Variants in ARGLU1 observed in about 807,000 individuals in gnomAD.
The protein encoded by ARGLU1 is arginine and glutamate rich 1, also known as arginine and glutamate-rich protein 1.
Under a neutral mutation model 37.6 loss-of-function variants are expected in ARGLU1, and 9 were observed. The ratio of observed to expected loss-of-function variants is 0.24; its 90% CI spans 0.14 to 0.42. The LOEUF is 0.42. Ranked by LOEUF, ARGLU1 falls within the 10% of genes least tolerant of loss-of-function variation. The pLI is 1.00. For missense variants in ARGLU1, 211 were observed against 359.2 expected, an observed-to-expected ratio of 0.59 and a Z score of 3.34; for synonymous variants, 166 against 138.5, an observed-to-expected ratio of 1.20 and a Z score of -1.39.
rs1292874602 is a variant in ARGLU1 at position 106,544,039 on chromosome 13, T to C, written c.779A>G (p.Lys260Arg). Residue 260 changes from lysine (K) to arginine (R), a missense_variant, in exon 4 of 4, where the codon AAG becomes AGG. By Grantham distance (26) the Lys-to-Arg change is conservative. Coordinates refer to ENST00000400198, the MANE Select transcript of ARGLU1 (RefSeq NM_018011.4). ...TGAGAAGGACAGTTTTGGCCTGGAC[T>C]TCCCCTTGCCCAGGATAATTTTTTG... Reference protein sequence around the residue: ...EEQKIILGKGKSRPKLSFSLK... With the variant: ...EEQKIILGKGRSRPKLSFSLK... 4 of 1,602,638 alleles carry C rather than the reference T, an allele frequency of 2.5e-6. No individual in the cohort carries two copies. Among genetic ancestry groups the C allele is most frequent in the Non-Finnish European group, 3.4e-6 (4 of 1,175,984 alleles).
Position 106,557,361 on chromosome 13 carries a change from T to G in ARGLU1, c.574-230A>C. The G allele has an allele frequency of 1.7e-6, 1 of 603,324 alleles. No homozygotes were observed. Among genetic ancestry groups the G allele is most frequent in the Non-Finnish European group, 2.6e-6 (1 of 381,438 alleles). The allele number at this position is 603,324 out of a possible 1,614,324, so 37.4% of individuals were successfully genotyped here. On this transcript the variant is annotated intron_variant, in intron 2 of 3. Coordinates refer to ENST00000400198, the MANE Select transcript of ARGLU1 (RefSeq NM_018011.4). The surrounding 1 kb of genome is among the most constrained non-coding windows in gnomAD (Gnocchi z 5.0). ...CAACCAACTAAACCCTCCCTAATGA[T>G]AGTTTCCTGGCAATTATTACTAATA... is the stretch of plus-strand genomic sequence containing the variant.
At chr13:106,547,173 G>C (rs1331599089) in intron 3 of ARGLU1, among the ~76,000 whole-genome samples, 1 of 152,124 alleles carries the variant, frequency 6.6e-6, no homozygotes, top group Admixed American at 6.5e-5. Flanking sequence ...CCTGTGCCAT[G>C]TTCTTAGGCT....
At chr13:106,562,562 T>C (rs2138975576) in intron 1 of ARGLU1, among the ~76,000 whole-genome samples, 1 of 152,330 alleles carries the variant, frequency 6.6e-6, no homozygotes, top group South Asian at 2.1e-4. Context: ...GTTTTCCTCA[T>C]GCTCCTCTGC....
At chr13:106,546,137 C>T (rs1566470138) in intron 3 of ARGLU1, among the ~76,000 whole-genome samples, 1 of 152,076 alleles carries the variant, frequency 6.6e-6, no homozygotes, top group Non-Finnish European at 1.5e-5. Context: ...ATTTCTTTTG[C>T]CAGCTTCATC....
intron 1 of ARGLU1, among the ~76,000 whole-genome samples, chr13:106,563,215 T>A (rs1203376701): frequency 6.6e-6 from 1 of 152,186 alleles, no homozygotes; most frequent in Non-Finnish European, 1.5e-5. Flanking sequence ...TATTACTTAA[T>A]AGGTAACATA....
At position 106,557,592 on chromosome 13, in the gene ARGLU1, C is replaced by T; in HGVS notation, c.574-461G>A. ...CCAGTGTCCTGCAGAGTGTGCTCCT[C>T]GGCTGCCATACGCGCCAGCTTCCTC... On this transcript the variant is annotated intron_variant, in intron 2 of 3. Transcript: ENST00000400198. The surrounding 1 kb of genome is among the most constrained non-coding windows in gnomAD (Gnocchi z 5.0). 6.2e-7 allele frequency: 1 copy of T among 1,607,956 alleles called. No individual in the cohort carries two copies. Among genetic ancestry groups the T allele is most frequent in the Non-Finnish European group, 8.5e-7 (1 of 1,177,762 alleles).
intron 1 of ARGLU1, among the ~76,000 whole-genome samples, chr13:106,559,903 C>A (rs992928319): frequency 1.3e-5 from 2 of 152,072 alleles, no homozygotes; most frequent in African/African-American, 4.8e-5. Context: ...CAGGTATATA[C>A]AAAGAGCCTA....
rs530507654 is a variant in ARGLU1, at chr13:106,544,611, T to C, written c.658-451A>G. Among the ~76,000 whole-genome samples, 53 of 152,300 alleles carry C rather than the reference T, an allele frequency of 3.5e-4. 1 individual carries two copies. The South Asian group carries it at 6.0e-3, about 17-fold the overall frequency. On this transcript the variant is annotated intron_variant, in intron 3 of 3. Coordinates refer to ENST00000400198, the MANE Select transcript of ARGLU1 (RefSeq NM_018011.4). The stretch of plus-strand genomic sequence containing the variant: ...CTCTAACTTCATTGTACCAGATTAA[T>C]AGATTGTTAATTATAAACCGAGGTA...
rs1880684178 is a variant in ARGLU1, at chr13:106,557,233, G to A, written c.574-102C>T. On this transcript the variant is annotated intron_variant, in intron 2 of 3. Transcript: ENST00000400198. This position sits in a 1 kb window ranked among gnomAD's most constrained non-coding sequence, Gnocchi z 5.0. Reference sequence around the variant, plus strand: ...CTGAACTTTTTTGATATGACTTACAGGGTAGCTTTATAGCTACCTTCTGTC... The same window carrying A: ...CTGAACTTTTTTGATATGACTTACAAGGTAGCTTTATAGCTACCTTCTGTC... 9.6e-7 allele frequency: 1 copy of A among 1,044,118 alleles called. No homozygotes were observed. Among genetic ancestry groups the A allele is most frequent in the African/African-American group, 1.6e-5 (1 of 62,038 alleles). 64.7% of individuals were successfully genotyped at this position (1,044,118 alleles called of 1,614,324 possible).
At chr13:106,547,247 T>C (rs1033387835) in intron 3 of ARGLU1, among the ~76,000 whole-genome samples, 1 of 152,144 alleles carries the variant, frequency 6.6e-6, no homozygotes, top group South Asian at 2.1e-4. Context: ...CAGCAAAAAA[T>C]GGACTAACAC....
At chr13:106,559,164 C>A in intron 2 of ARGLU1, 1 of 1,401,038 alleles carries the variant, frequency 7.1e-7, no homozygotes. Context: ...GCAGCCATGG[C>A]AAAAGTTTCA....
At chr13:106,549,713 T>C (rs1312377555) in intron 3 of ARGLU1, among the ~76,000 whole-genome samples, 2 of 152,228 alleles carry the variant, frequency 1.3e-5, no homozygotes, top group African/African-American at 2.4e-5. Context: ...TTATTCTTAA[T>C]TCCCCTCTTG....
intron 3 of ARGLU1, among the ~76,000 whole-genome samples, chr13:106,544,782 T>C (rs910944706): frequency 1.3e-5 from 2 of 152,128 alleles, no homozygotes; most frequent in South Asian, 2.1e-4. Flanking sequence ...AAAGGGACTA[T>C]ATTATAGTAT....
intron 3 of ARGLU1, among the ~76,000 whole-genome samples, chr13:106,544,766 G>GA (rs757020519): frequency 6.2e-4 from 94 of 151,794 alleles, no homozygotes; most frequent in African/African-American, 2.0e-3. Flanking sequence ...AAATCATGCT[G>GA]AAAAAAAAGG....
chr13:106,559,126 C>T (rs745464133), intron 2 of ARGLU1: 29 of 1,297,716 alleles, frequency 2.2e-5, no homozygotes, highest in South Asian at 1.1e-4. Flanking sequence ...GTCTCCCCAC[C>T]GTCCTCCCAA....
intron 3 of ARGLU1, among the ~76,000 whole-genome samples, chr13:106,553,284 G>A (rs1477518014): frequency 6.6e-6 from 1 of 152,086 alleles, no homozygotes; most frequent in Non-Finnish European, 1.5e-5. Flanking sequence ...TATAAATTTT[G>A]TATTTAGCTA....
chr13:106,551,202 T>C (rs1880522606), intron 3 of ARGLU1, among the ~76,000 whole-genome samples: 1 of 152,216 alleles, frequency 6.6e-6, no homozygotes, highest in Non-Finnish European at 1.5e-5. Context: ...CAACATCCAG[T>C]GCTGGTGGTT....
intron 3 of ARGLU1, among the ~76,000 whole-genome samples, chr13:106,546,109 T>C (rs1330867093): frequency 1.3e-5 from 2 of 152,230 alleles, no homozygotes; most frequent in Non-Finnish European, 2.9e-5. Flanking sequence ...TTATATTCTC[T>C]GCCTAGAGTT....
chr13:106,560,578 AT>A (rs1205594872), intron 1 of ARGLU1, among the ~76,000 whole-genome samples: 2 of 152,208 alleles, frequency 1.3e-5, no homozygotes, highest in Non-Finnish European at 2.9e-5. Flanking sequence ...TTAAAATGAT[AT>A]TTTGGATAAA....
Sources: allele counts gnomAD v4.1 joint callset (sites outside exome capture counted in the v4.1 genomes callset), GRCh38; gene constraint gnomAD v4.1.1; non-coding constraint Gnocchi (gnomAD v3.1); transcripts MANE v1.5; gene names NCBI Gene and HGNC (gene_info 2026-07-23, HGNC 2026-07-21).